ABHD2: variants seen among roughly 807,000 people sequenced by gnomAD.
ABHD2 encodes the protein abhydrolase domain containing 2, acylglycerol lipase, also known as monoacylglycerol lipase ABHD2.
In ABHD2, 20 loss-of-function variants were observed where a neutral mutation model predicts 48.1. The ratio of observed to expected loss-of-function variants is 0.42; its 90% CI spans 0.29 to 0.60. The LOEUF (loss-of-function observed/expected upper bound fraction) is 0.60, where lower values mean the gene tolerates loss of function less well. Among genes scored for constraint, ABHD2 ranks in the 20% least tolerant of loss-of-function variants. ABHD2 has a pLI of 0.24. For missense variants in ABHD2, 405 were observed against 550.9 expected (o/e 0.74, Z 2.65); for synonymous variants, 209 against 214.2 (o/e 0.98, Z 0.21).
chr15:89,108,469 T>G (rs2049822415), intron 1 of ABHD2, among the ~76,000 whole-genome samples: 1 of 152,212 alleles, frequency 6.6e-6, no homozygotes, highest in South Asian at 2.1e-4. Flanking sequence ...CATCTTAACT[T>G]GATTACATTT....
intron 6 of ABHD2, chr15:89,183,358 C>T (rs1456464255): frequency 1.0e-5 from 1 of 99,902 alleles, no homozygotes; most frequent in African/African-American, 3.6e-5. Flanking sequence ...TTGAAGACAT[C>T]AGTCCTTTTC....
chr15:89,051,664 C>T, the ABHD2 span, among the ~76,000 whole-genome samples: 3 of 152,146 alleles, frequency 2.0e-5, no homozygotes, highest in Non-Finnish European at 4.4e-5. Flanking sequence ...GAAGAAGTCT[C>T]ACAAGATCTG....
chr15:89,116,699 G>A lies in ABHD2; in HGVS notation c.194+178G>A, dbSNP rs1048312451. Among the ~76,000 whole-genome samples the A allele has an allele frequency of 6.6e-6, 1 of 152,250 alleles. No homozygotes were observed. The highest frequency in any genetic ancestry group is 2.4e-5 in the African/African-American group (1 of 41,466). The stretch of plus-strand genomic sequence containing the variant: ...AGTGTTTGAATCCTGGAGGGTAGGA[G>A]AGAATCAGATCTCTGTTGCCTGAAA... On this transcript the variant is annotated intron_variant, in intron 3 of 10. Transcript: ENST00000352732. This position sits in a 1 kb window ranked among gnomAD's most constrained non-coding sequence, Gnocchi z 4.6.
chr15:89,144,089 C>T (rs932960955), intron 3 of ABHD2, among the ~76,000 whole-genome samples: 2 of 152,214 alleles, frequency 1.3e-5, no homozygotes, highest in African/African-American at 4.8e-5. Flanking sequence ...TAAATGCTCA[C>T]AGCAGTGCTA....
intron 5 of ABHD2, among the ~76,000 whole-genome samples, chr15:89,157,067 A>G (rs1483476097): frequency 6.6e-6 from 1 of 152,238 alleles, no homozygotes; most frequent in Admixed American, 6.5e-5. Flanking sequence ...ATTCACCAAC[A>G]TAAAGATGTT....
chr15:89,148,176 G>A (rs577402215), intron 3 of ABHD2, among the ~76,000 whole-genome samples: 1 of 150,672 alleles, frequency 6.6e-6, no homozygotes, highest in South Asian at 2.1e-4. Flanking sequence ...ACAATAGATT[G>A]GAGAAAACAT....
At chr15:89,169,533 C>T (rs945681239) in intron 5 of ABHD2, among the ~76,000 whole-genome samples, 3 of 152,066 alleles carry the variant, frequency 2.0e-5, no homozygotes, top group Non-Finnish European at 4.4e-5. Context: ...AATGTTGGAA[C>T]CAAACATAAA....
At chr15:89,135,907 G>A in intron 3 of ABHD2, 1 of 603,322 alleles carries the variant, frequency 1.7e-6, no homozygotes, top group Non-Finnish European at 3.0e-6. Context: ...GGCCTCTTGG[G>A]TGCACTGGGA....
the ABHD2 span, among the ~76,000 whole-genome samples, chr15:89,048,387 C>G: frequency 1.3e-5 from 2 of 151,424 alleles, no homozygotes; most frequent in East Asian, 3.9e-4. Flanking sequence ...TGGAGTTGCT[C>G]TTCTCGAGGA....
chr15:89,166,734 G>A lies in ABHD2; in HGVS notation c.539-9078G>A, dbSNP rs775107739. ...TACTCTAGAAGCGCTGTGCCCAGGA[G>A]TTCAAGGCTACACTGAGCTGTGATC... On this transcript the variant is annotated intron_variant, in intron 5 of 10. Coordinates refer to ENST00000352732, the MANE Select transcript of ABHD2 (RefSeq NM_152924.5). This position sits in a 1 kb window ranked among gnomAD's most constrained non-coding sequence, Gnocchi z 4.6. Among the ~76,000 whole-genome samples, 1 of 152,168 alleles carries A rather than the reference G, an allele frequency of 6.6e-6. No homozygotes were observed. Among genetic ancestry groups the A allele is most frequent in the African/African-American group, 2.4e-5 (1 of 41,426 alleles).
At chr15:89,152,513 C>T (rs1193961931) in intron 4 of ABHD2, among the ~76,000 whole-genome samples, 1 of 152,184 alleles carries the variant, frequency 6.6e-6, no homozygotes, top group East Asian at 1.9e-4. Context: ...ATTCTCAGTG[C>T]TTCGTGTATA....
In ABHD2 at chr15:89,182,618, GT is replaced by G. The variant is rs781236311; in HGVS notation, c.723-2805del. ...ACCCTGGCCAACATGACGAAACCCC[GT>G]ATTCTACTAAAAAAATACAAAAAAT... On this transcript the variant is annotated intron_variant, in intron 6 of 10. Transcript: ENST00000352732. The surrounding 1 kb of genome is among the most constrained non-coding windows in gnomAD (Gnocchi z 4.8). Among the ~76,000 whole-genome samples the G allele has an allele frequency of 5.9e-5, 9 of 151,946 alleles. No individual in the cohort carries two copies. Among genetic ancestry groups the G allele is most frequent in the Non-Finnish European group, 1.3e-4 (9 of 67,998 alleles).
chr15:89,058,315 C>T, the ABHD2 span, among the ~76,000 whole-genome samples: 1 of 152,142 alleles, frequency 6.6e-6, no homozygotes, highest in Non-Finnish European at 1.5e-5. Flanking sequence ...CACCCACACC[C>T]CTTACAACCC....
chr15:89,110,438 G>A (rs760823785), intron 1 of ABHD2, among the ~76,000 whole-genome samples: 7 of 151,940 alleles, frequency 4.6e-5, no homozygotes, highest in East Asian at 3.8e-4. Context: ...TACTTCATTC[G>A]CTAAGGCTGG....
intron 1 of ABHD2, among the ~76,000 whole-genome samples, chr15:89,103,179 G>A (rs1056002689): frequency 2.6e-5 from 4 of 152,224 alleles, no homozygotes; most frequent in Middle Eastern, 3.4e-3. Context: ...GACTACTTGG[G>A]GACCAATTCT....
chr15:89,140,972 CT>C (rs139248772), intron 3 of ABHD2, among the ~76,000 whole-genome samples: 53,997 of 146,622 alleles, frequency 0.37, 10,233 homozygotes, highest in Non-Finnish European at 0.45. Flanking sequence ...TTTAGTTTCA[CT>C]TTTTTTTTTT....
At chr15:89,158,845 G>A (rs771770619) in intron 5 of ABHD2, among the ~76,000 whole-genome samples, 1 of 151,466 alleles carries the variant, frequency 6.6e-6, no homozygotes, top group Non-Finnish European at 1.5e-5. Context: ...TTAATTTTTT[G>A]TAGAGACAAG....
intron 3 of ABHD2, among the ~76,000 whole-genome samples, chr15:89,140,588 C>G (rs757008074): frequency 6.6e-6 from 1 of 152,152 alleles, no homozygotes; most frequent in African/African-American, 2.4e-5. Flanking sequence ...GACCCCCACA[C>G]ACACACAGAC....
the ABHD2 span, among the ~76,000 whole-genome samples, chr15:89,046,781 TTCTC>T: frequency 6.6e-6 from 1 of 152,226 alleles, no homozygotes; most frequent in Non-Finnish European, 1.5e-5. Context: ...TATTTGATTC[TTCTC>T]TCTTTTTTTC....
Sources: gnomAD v4.1 joint callset for allele counts (sites outside exome capture counted in the v4.1 genomes callset) on GRCh38, gnomAD v4.1.1 for gene constraint, Gnocchi (gnomAD v3.1) non-coding constraint, MANE v1.5 for transcripts, NCBI Gene and HGNC (gene_info 2026-07-23, HGNC 2026-07-21) for gene names.